The following FRMPD4 variants were observed in gnomAD, a reference collection of about 807,000 sequenced individuals.
FRMPD4 encodes the protein FERM and PDZ domain-containing protein 4.
Under a neutral mutation model 94.1 loss-of-function variants are expected in FRMPD4, and 22 were observed. That is an observed-to-expected ratio of 0.23 (90% CI 0.17 to 0.33). The LOEUF is 0.33. Ranked by LOEUF, FRMPD4 falls within the 10% of genes least tolerant of loss-of-function variation. The probability of loss-of-function intolerance (pLI) is 1.00; values close to 1 mark genes in which losing one functional copy is unlikely to be tolerated. For missense variants in FRMPD4, 1,111 were observed against 1,339.9 expected, an observed-to-expected ratio of 0.83 and a Z score of 2.67; for synonymous variants, 631 against 548.6, an observed-to-expected ratio of 1.15 and a Z score of -2.10.
At chrX:12,564,766 G>A (rs953603957) in intron 2 of FRMPD4, among the ~76,000 whole-genome samples, 1 of 110,534 alleles carries the variant, frequency 9.0e-6, no homozygotes, top group Non-Finnish European at 1.9e-5. Context: ...TATGAGGCTG[G>A]AACTGGAAAA....
At chrX:12,360,567 T>C (rs1048072389) in intron 1 of FRMPD4, among the ~76,000 whole-genome samples, 3 of 111,795 alleles carry the variant, frequency 2.7e-5, no homozygotes, top group East Asian at 5.6e-4. Context: ...TCACTATTGG[T>C]TAACAGTCTT....
chrX:12,590,176 A>G (rs1008043467), intron 2 of FRMPD4, among the ~76,000 whole-genome samples: 1 of 112,328 alleles, frequency 8.9e-6, no homozygotes, highest in African/African-American at 3.2e-5. Context: ...TTAAAATTTC[A>G]GGAGAGAAGG....
intron 2 of FRMPD4, among the ~76,000 whole-genome samples, chrX:12,548,043 T>C (rs2058496881): frequency 8.9e-6 from 1 of 112,378 alleles, no homozygotes; most frequent in Admixed American, 9.5e-5. Flanking sequence ...TTATTTCCCA[T>C]ATATATCCTT....
chrX:12,591,123 A>T (rs2148393806), intron 2 of FRMPD4, among the ~76,000 whole-genome samples: 1 of 111,964 alleles, frequency 8.9e-6, no homozygotes, highest in East Asian at 2.8e-4. Context: ...AAACTTAAAT[A>T]CTAATAGCCT....
chrX:12,560,931 G>A (rs759561744), intron 2 of FRMPD4, among the ~76,000 whole-genome samples: 23 of 98,365 alleles, frequency 2.3e-4, no homozygotes, highest in Middle Eastern at 4.8e-3. Context: ...CACTACGCCC[G>A]GCTAATTTTT....
In FRMPD4 at chrX:12,718,158, C is replaced by G. The variant is rs1420520918; in HGVS notation, c.3332C>G (p.Thr1111Arg). ...GAAAAAAGTGGATTAGAAGCAGCAACAGGGAAAACCTTTCCAAGAGCTTCT... is the reference window on the plus strand; with the variant it reads ...GAAAAAAGTGGATTAGAAGCAGCAAGAGGGAAAACCTTTCCAAGAGCTTCT... ...MAEKSGLEAA[T>R]GKTFPRASGL... Residue 1111 changes from threonine (T) to arginine (R), a missense_variant, in exon 16 of 17, where the codon ACA becomes AGA. By Grantham distance (71) the Thr-to-Arg change is moderately conservative (BLOSUM62 -1). Transcript: ENST00000675598. 1.8e-5 allele frequency: 22 copies of G among 1,211,527 alleles called. No homozygotes were observed. Among genetic ancestry groups the G allele is most frequent in the Non-Finnish European group, 2.3e-5 (21 of 895,232 alleles).
intron 1 of FRMPD4, among the ~76,000 whole-genome samples, chrX:12,260,242 C>T (rs1172176675): frequency 9.0e-6 from 1 of 111,167 alleles, no homozygotes; most frequent in Non-Finnish European, 1.9e-5. Flanking sequence ...TAATCTCTTA[C>T]CTGAATTTCA....
chrX:12,563,400 T>C (rs1160597226), intron 2 of FRMPD4, among the ~76,000 whole-genome samples: 1 of 111,866 alleles, frequency 8.9e-6, no homozygotes, highest in African/African-American at 3.3e-5. Flanking sequence ...AGAGCTTATA[T>C]AGGAACTGCT....
intron 3 of FRMPD4, among the ~76,000 whole-genome samples, chrX:11,892,734 G>A (rs1008518223): frequency 8.9e-6 from 1 of 111,898 alleles, no homozygotes; most frequent in Non-Finnish European, 1.9e-5. Context: ...TCTGAGAGAG[G>A]CCAGCAAGGA....
At chrX:12,141,524 C>T (rs1055243990) in intron 1 of FRMPD4, among the ~76,000 whole-genome samples, 1 of 111,233 alleles carries the variant, frequency 9.0e-6, no homozygotes, top group South Asian at 3.8e-4. Context: ...AGAATCTATA[C>T]CCTTTTAATC....
intron 1 of FRMPD4, among the ~76,000 whole-genome samples, chrX:12,388,082 A>AACTT (rs1045258861): frequency 2.6e-4 from 29 of 111,097 alleles, no homozygotes; most frequent in African/African-American, 9.5e-4. Context: ...GAATAATGAA[A>AACTT]ACTTCCGGGG....
chrX:12,351,320 C>T lies in FRMPD4; in HGVS notation c.42-147360C>T, dbSNP rs534208196. Among the ~76,000 whole-genome samples the T allele has an allele frequency of 2.3e-4, 25 of 110,929 alleles. No homozygotes were observed. The South Asian group carries it at 9.0e-3, about 40-fold the overall frequency. ...TTTATTGCACCATTGGCACAGCCCC[C>T]TGCCCCCCCATTAAAAATAGAGGAA... On this transcript the variant is annotated intron_variant, in intron 1 of 16. Transcript: ENST00000675598.
chrX:12,520,180 G>T (rs2058146218), intron 2 of FRMPD4, among the ~76,000 whole-genome samples: 1 of 111,811 alleles, frequency 8.9e-6, no homozygotes, highest in African/African-American at 3.3e-5. Context: ...ACAAAATGTG[G>T]TCTTTACATA....
intron 4 of FRMPD4, among the ~76,000 whole-genome samples, chrX:12,629,786 A>C (rs1365350509): frequency 8.9e-6 from 1 of 112,157 alleles, no homozygotes; most frequent in African/African-American, 3.2e-5. Context: ...GATTATGTAC[A>C]TGAAGCACTT....
chrX:12,630,271 A>G (rs971812087), intron 4 of FRMPD4, among the ~76,000 whole-genome samples: 1 of 112,808 alleles, frequency 8.9e-6, no homozygotes, highest in Non-Finnish European at 1.9e-5. Context: ...TGCAGGCCAT[A>G]AGGGTCTCTG....
chrX:11,909,655 A>G (rs975566085), intron 3 of FRMPD4, among the ~76,000 whole-genome samples: 1 of 109,691 alleles, frequency 9.1e-6, no homozygotes, highest in Non-Finnish European at 1.9e-5. Flanking sequence ...TCTTTTTAGT[A>G]TATTCATTAA....
At chrX:12,498,236 T>A (rs2057873395) in intron 1 of FRMPD4, among the ~76,000 whole-genome samples, 1 of 111,878 alleles carries the variant, frequency 8.9e-6, no homozygotes, top group South Asian at 3.8e-4. Context: ...TAGCATCATT[T>A]ACTTCCTTCC....
At chrX:12,053,372 AAGAAAG>A (rs1302313429) in intron 3 of FRMPD4, among the ~76,000 whole-genome samples, 1 of 71,067 alleles carries the variant, frequency 1.4e-5, no homozygotes, top group Non-Finnish European at 2.8e-5. Context: ...GAAAGAAAGA[AAGAAAG>A]AAAGAAAGAA....
intron 1 of FRMPD4, among the ~76,000 whole-genome samples, chrX:11,844,881 A>G (rs189825269): frequency 2.1e-4 from 24 of 111,775 alleles, no homozygotes; most frequent in African/African-American, 7.8e-4. Context: ...CACTCCGTTT[A>G]TTATTCTTCA....
Sources: allele counts gnomAD v4.1 joint callset (sites outside exome capture counted in the v4.1 genomes callset), GRCh38; gene constraint gnomAD v4.1.1; transcripts MANE v1.5; gene names NCBI Gene and HGNC (gene_info 2026-07-23, HGNC 2026-07-21).